The following GARRE1 variants were observed in gnomAD, a reference collection of about 807,000 sequenced individuals.
GARRE1 encodes the protein granule associated Rac and RHOG effector protein 1.
GARRE1 carries 49 observed loss-of-function variants against 103.2 expected under a neutral mutation model. The observed-to-expected ratio is 0.47, with a 90% CI of 0.38 to 0.60. The LOEUF (loss-of-function observed/expected upper bound fraction) is 0.60. GARRE1 is among the 20% of genes least tolerant of loss of function. The pLI, the probability that GARRE1 is intolerant of heterozygous loss-of-function variation, is 0.00. For synonymous variants in GARRE1, 505 were observed against 532.8 expected (o/e 0.95, Z 0.72); for missense variants, 1,199 against 1,370.5 (o/e 0.87, Z 1.98).
chr19:34,270,933 A>G lies in GARRE1; in HGVS notation c.-796+16319A>G, dbSNP rs150132664. Among the ~76,000 whole-genome samples the G allele has an allele frequency of 1.1e-3, 175 of 152,270 alleles. 1 individual carries two copies. In the East Asian group the frequency reaches 0.024, roughly 21 times the overall value. On this transcript the variant is annotated intron_variant, in intron 1 of 13. Coordinates refer to ENST00000299505, the MANE Select transcript of GARRE1 (RefSeq NM_014686.5). ...AGCACTTCTGGCCTCTACCCACTGG[A>G]TGCTACCCACTAGCACTTGCCCAGG...
Position 34,327,540 on chromosome 19 carries a change from A to G in GARRE1, c.825A>G (p.Ile275Met), listed in dbSNP as rs367689124. ...AGCACCAGCTAAAAGAACTGAACAT[A>G]AAAATCGACAGTGCTTTGCAAGTAA... is the stretch of plus-strand genomic sequence containing the variant. ...IPEHQLKELN[I>M]KIDSALQAYK... is the part of the protein sequence containing the mutation. The change falls in exon 4 of 14, where the codon ATA (isoleucine) becomes ATG (methionine). Residue 275 changes from isoleucine to methionine, a missense_variant. By Grantham distance (10) the Ile-to-Met change is conservative. Transcript: ENST00000299505. 1.9e-6 allele frequency: 3 copies of G among 1,613,924 alleles called. No homozygotes were observed. Among genetic ancestry groups the G allele is most frequent in the Non-Finnish European group, 2.5e-6 (3 of 1,180,024 alleles).
rs981766368 is a variant in GARRE1, at chr19:34,354,749, C to G, written c.*1794C>G. 6.6e-6 allele frequency: 1 copy of G among 152,364 alleles called. No homozygotes were observed. The highest frequency in any genetic ancestry group is 6.6e-5 in the Admixed American group (1 of 15,238). 9.4% of individuals were successfully genotyped at this position (152,364 alleles called of 1,614,324 possible). A position where few individuals can be genotyped will look rare whatever the true frequency, so the allele number is the denominator to read the frequency against. On this transcript the variant is annotated 3_prime_UTR_variant, in exon 14 of 14. Coordinates refer to ENST00000299505, the MANE Select transcript of GARRE1 (RefSeq NM_014686.5). ...ACACACACACTAATTTGAGAGGACC[C>G]GTAGGGTGTCTGAGCCCAGCCACCT... is the stretch of plus-strand genomic sequence containing the variant.
At chr19:34,301,267 T>C (rs2073977272) in intron 2 of GARRE1, among the ~76,000 whole-genome samples, 1 of 151,858 alleles carries the variant, frequency 6.6e-6, no homozygotes, top group Non-Finnish European at 1.5e-5. Flanking sequence ...CTACAAAAAC[T>C]AAAAAAATTA....
chr19:34,308,737 T>C (rs1164104464), intron 2 of GARRE1, among the ~76,000 whole-genome samples: 4 of 152,222 alleles, frequency 2.6e-5, no homozygotes, highest in Non-Finnish European at 4.4e-5. Flanking sequence ...TAAATGCTAA[T>C]TAAAAGGAGA....
rs747271332 is a variant in GARRE1 at position 34,349,061 on chromosome 19, C to T, written c.2733C>T (p.Ala911=). Reference sequence around the variant, plus strand: ...GGTCGGGTGCTCAGGGAGACTCTGCCAGCTCGAGTGATGAGACATCCTCAG... The same window carrying T: ...GGTCGGGTGCTCAGGGAGACTCTGCTAGCTCGAGTGATGAGACATCCTCAG... The part of the protein sequence containing the change: ...GGWSGAQGDS[A]SSSDETSSAN... The change falls in exon 12 of 14, where the codon GCC becomes GCT. Residue 911 remains alanine (A), a synonymous_variant. Transcript: ENST00000299505. The T allele has an allele frequency of 3.1e-6, 5 of 1,612,626 alleles. No individual in the cohort carries two copies. Among genetic ancestry groups the T allele is most frequent in the Middle Eastern group, 1.6e-4 (1 of 6,062 alleles).
Position 34,328,152 on chromosome 19 carries a change from G to A in GARRE1, c.1104+1G>A. ...CGCCGACAATCTGAAACTTAAGACG[G>A]TAGCTTTCCATGGGGTTCCAGCAAA... On this transcript the variant is annotated splice_donor_variant, in intron 6 of 13. Transcript: ENST00000299505. LOFTEE classifies it high-confidence loss of function. The A allele has an allele frequency of 6.2e-7, 1 of 1,613,282 alleles. No homozygotes were observed. The highest frequency in any genetic ancestry group is 8.5e-7 in the Non-Finnish European group (1 of 1,179,812).
At chr19:34,286,906 G>T (rs1349801592) in intron 1 of GARRE1, among the ~76,000 whole-genome samples, 2 of 152,108 alleles carry the variant, frequency 1.3e-5, no homozygotes, top group East Asian at 3.9e-4. Context: ...CAGATTTTCA[G>T]TGGACCCCCA....
At chr19:34,339,654 A>C (rs1482380270) in intron 8 of GARRE1, among the ~76,000 whole-genome samples, 4 of 152,236 alleles carry the variant, frequency 2.6e-5, no homozygotes, top group African/African-American at 7.2e-5. Context: ...ATATTCTGAT[A>C]TCATGAGACC....
chr19:34,289,736 A>AATAAAAAAAAT (rs2073906952), intron 1 of GARRE1, among the ~76,000 whole-genome samples: 1 of 151,070 alleles, frequency 6.6e-6, no homozygotes, highest in Non-Finnish European at 1.5e-5. Context: ...AAAAAAAATA[A>AATAAAAAAAAT]AAAAAAGTAA....
At chr19:34,278,416 G>A (rs185823209) in intron 1 of GARRE1, among the ~76,000 whole-genome samples, 144 of 129,786 alleles carry the variant, frequency 1.1e-3, no homozygotes, top group African/African-American at 4.2e-3. Context: ...TAGTACTCCA[G>A]CCTGGGTGAC....
chr19:34,293,120 T>C (rs1033540926), intron 1 of GARRE1, among the ~76,000 whole-genome samples: 1 of 152,212 alleles, frequency 6.6e-6, no homozygotes, highest in Non-Finnish European at 1.5e-5. Context: ...AGCAGCCATA[T>C]GGCAAACTAA....
chr19:34,270,341 G>C (rs766552682), intron 1 of GARRE1, among the ~76,000 whole-genome samples: 1 of 152,238 alleles, frequency 6.6e-6, no homozygotes, highest in Non-Finnish European at 1.5e-5. Context: ...AGCCTTGTGG[G>C]TGGAGACAGG....
At position 34,300,780 on chromosome 19, in the gene GARRE1, A is replaced by G. The variant is rs776076607; in HGVS notation, c.307A>G (p.Thr103Ala). The G allele has an allele frequency of 1.8e-5, 29 of 1,614,034 alleles. No individual in the cohort carries two copies. The South Asian group carries it at 3.2e-4, about 18-fold the overall frequency. ...ASTFLTDLFS[T>A]VFRNSHYSKA... ...TACTTTCCTCACAGATCTCTTCAGC[A>G]CTGTGTTCAGGAACTCTCACTACTC... The change falls in exon 2 of 14, where the codon ACT becomes GCT. Residue 103 changes from threonine (T) to alanine (A), a missense_variant. Thr to Ala is a moderately conservative substitution (Grantham distance 58). Transcript: ENST00000299505.
intron 11 of GARRE1, 48 bp downstream of exon 11, chr19:34,348,090 C>T: frequency 7.3e-7 from 1 of 1,366,858 alleles, no homozygotes; most frequent in Non-Finnish European, 9.6e-7. Context: ...CCCAGGTGTC[C>T]CCCGAGGGGC....
intron 1 of GARRE1, among the ~76,000 whole-genome samples, chr19:34,256,486 C>T (rs937229351): frequency 5.3e-5 from 8 of 150,798 alleles, no homozygotes; most frequent in Admixed American, 3.3e-4. Flanking sequence ...TGCCACTGCG[C>T]TCCAGCCTGG....
rs545833860 is a variant in GARRE1, at chr19:34,282,580, G to A, written c.-795-17099G>A. Among the ~76,000 whole-genome samples, 4 of 152,238 alleles carry A rather than the reference G, an allele frequency of 2.6e-5. No homozygotes were observed. The East Asian group carries it at 7.7e-4, about 29-fold the overall frequency. ...GTCTGATCACCTTTTCATCTTAGTT[G>A]TCCTTTTTTGTCCTTTTGGTTTTCC... On this transcript the variant is annotated intron_variant, in intron 1 of 13. Transcript: ENST00000299505.
chr19:34,260,359 TAAA>T (rs375868019), intron 1 of GARRE1, among the ~76,000 whole-genome samples: 9 of 152,300 alleles, frequency 5.9e-5, no homozygotes, highest in African/African-American at 1.9e-4. Context: ...TACAGGAAAA[TAAA>T]AAACATCATG....
intron 1 of GARRE1, among the ~76,000 whole-genome samples, chr19:34,272,659 C>G (rs1429954756): frequency 1.3e-5 from 2 of 152,178 alleles, no homozygotes; most frequent in Non-Finnish European, 2.9e-5. Flanking sequence ...AGCTCAGCTT[C>G]TCATCAGTTC....
intron 2 of GARRE1, among the ~76,000 whole-genome samples, chr19:34,305,835 G>A (rs1219692934): frequency 6.6e-6 from 1 of 152,180 alleles, no homozygotes; most frequent in Non-Finnish European, 1.5e-5. Flanking sequence ...TAGATAGTTG[G>A]AATACTACCA....
Sources: gnomAD v4.1 joint callset for allele counts (sites outside exome capture counted in the v4.1 genomes callset) on GRCh38, gnomAD v4.1.1 for gene constraint, MANE v1.5 for transcripts, NCBI Gene and HGNC (gene_info 2026-07-23, HGNC 2026-07-21) for gene names.